L3MBTL4: variants seen among roughly 807,000 people sequenced by gnomAD.
L3MBTL4 encodes lethal(3)malignant brain tumor-like protein 4.
L3MBTL4 carries 70 observed loss-of-function variants against 84.5 expected under a neutral mutation model. The observed-to-expected ratio is 0.83, with a 90% CI of 0.68 to 1.01. The LOEUF (loss-of-function observed/expected upper bound fraction) is 1.01, where lower values mean the gene tolerates loss of function less well. L3MBTL4 is among the 50% of genes least tolerant of loss of function. The pLI, the probability that L3MBTL4 is intolerant of heterozygous loss-of-function variation, is 0.00. For missense variants in L3MBTL4, 715 were observed against 754.8 expected (o/e 0.95, Z 0.62); for synonymous variants, 274 against 259.8 (o/e 1.05, Z -0.52).
chr18:6,383,313 A>AG (rs1218954756), intron 1 of L3MBTL4, among the ~76,000 whole-genome samples: 1 of 151,588 alleles, frequency 6.6e-6, no homozygotes, highest in African/African-American at 2.4e-5. Flanking sequence ...TTTCCAGGAG[A>AG]GTGAATGGTT....
At chr18:6,285,931 A>C (rs1599484904) in intron 4 of L3MBTL4, among the ~76,000 whole-genome samples, 2 of 151,418 alleles carry the variant, frequency 1.3e-5, no homozygotes, top group East Asian at 3.9e-4. Flanking sequence ...TCCCGGGTTC[A>C]AGCGATTCTT....
chr18:6,022,168 T>C (rs1021020288), intron 16 of L3MBTL4, among the ~76,000 whole-genome samples: 1 of 152,230 alleles, frequency 6.6e-6, no homozygotes, highest in Non-Finnish European at 1.5e-5. Context: ...TTCTTTTTTG[T>C]GGTTAATAGC....
chr18:6,244,291 C>T (rs959246754), intron 6 of L3MBTL4, among the ~76,000 whole-genome samples, 193 bp downstream of exon 6: 3 of 152,114 alleles, frequency 2.0e-5, no homozygotes, highest in Non-Finnish European at 4.4e-5. Flanking sequence ...TGATGAAGGA[C>T]TTTTTAGAAA....
intron 10 of L3MBTL4, among the ~76,000 whole-genome samples, chr18:6,235,609 T>C (rs2146047030): frequency 6.6e-6 from 1 of 152,310 alleles, no homozygotes; most frequent in East Asian, 1.9e-4. Flanking sequence ...ATTCCTTTCA[T>C]GTAATATATC....
intron 1 of L3MBTL4, among the ~76,000 whole-genome samples, chr18:6,350,464 G>T (rs2053127198): frequency 6.6e-6 from 1 of 150,876 alleles, no homozygotes; most frequent in Non-Finnish European, 1.5e-5. Context: ...CTCCAAAGAG[G>T]ATATTCTAAT....
chr18:6,285,510 T>G (rs1043468153), intron 4 of L3MBTL4, among the ~76,000 whole-genome samples: 1 of 151,302 alleles, frequency 6.6e-6, no homozygotes, highest in African/African-American at 2.5e-5. Context: ...GTATAGCAAT[T>G]TGTAAGTATA....
At chr18:5,963,335 GT>G (rs2052157681) in intron 17 of L3MBTL4, among the ~76,000 whole-genome samples, 1 of 152,224 alleles carries the variant, frequency 6.6e-6, no homozygotes, top group African/African-American at 2.4e-5. Flanking sequence ...TCCCTTCTCA[GT>G]ATCATTAGCC....
At chr18:6,040,395 T>G (rs2056347823) in intron 16 of L3MBTL4, among the ~76,000 whole-genome samples, 1 of 152,162 alleles carries the variant, frequency 6.6e-6, no homozygotes, top group East Asian at 1.9e-4. Context: ...CTGCTATATA[T>G]CCTGTTCCAA....
chr18:6,288,846 A>G (rs1363929015), intron 4 of L3MBTL4, among the ~76,000 whole-genome samples: 1 of 151,586 alleles, frequency 6.6e-6, no homozygotes. Context: ...TTTTCATATA[A>G]TTTAAAATAT....
intron 1 of L3MBTL4, among the ~76,000 whole-genome samples, chr18:6,390,572 C>G (rs1245679372): frequency 6.6e-6 from 1 of 151,880 alleles, no homozygotes; most frequent in African/African-American, 2.4e-5. Flanking sequence ...ATTGATATAC[C>G]ATTATTAGCT....
At chr18:6,047,735 A>C (rs998447740) in intron 16 of L3MBTL4, among the ~76,000 whole-genome samples, 1 of 152,226 alleles carries the variant, frequency 6.6e-6, no homozygotes, top group Non-Finnish European at 1.5e-5. Context: ...CAGACTAGTC[A>C]TCAAAGGAAA....
chr18:6,406,891 C>T (rs144990544), intron 1 of L3MBTL4, among the ~76,000 whole-genome samples: 1 of 152,332 alleles, frequency 6.6e-6, no homozygotes, highest in East Asian at 1.9e-4. Context: ...AGCTGGCCTA[C>T]AGCTACTCTG....
chr18:6,187,268 T>C (rs2044821017), intron 12 of L3MBTL4, among the ~76,000 whole-genome samples: 1 of 152,136 alleles, frequency 6.6e-6, no homozygotes, highest in African/African-American at 2.4e-5. Context: ...TATTTTTGAG[T>C]TTTGACTTTT....
At position 6,068,334 on chromosome 18, in the gene L3MBTL4, C is replaced by T. The variant is rs571862663; in HGVS notation, c.1444+12547G>A. ...GGTATTGGTGGTAGCTAAAGAGATG[C>T]ATAGATATATCTAATGGTGGGCAGA... On this transcript the variant is annotated intron_variant, in intron 16 of 18. Coordinates refer to ENST00000317931, the MANE Select transcript of L3MBTL4 (RefSeq NM_001330559.2). 7.3e-4 allele frequency among the ~76,000 whole-genome samples: 111 copies of T among 152,180 alleles called. 2 individuals carry two copies. The South Asian group carries it at 0.013, about 17-fold the overall frequency.
At chr18:6,281,548 G>A (rs1333562235) in intron 4 of L3MBTL4, among the ~76,000 whole-genome samples, 1 of 152,098 alleles carries the variant, frequency 6.6e-6, no homozygotes, top group Non-Finnish European at 1.5e-5. Context: ...CTTATTTCAT[G>A]GACCAATTAC....
At chr18:6,009,582 T>C (rs1413694813) in intron 16 of L3MBTL4, among the ~76,000 whole-genome samples, 1 of 152,210 alleles carries the variant, frequency 6.6e-6, no homozygotes, top group Non-Finnish European at 1.5e-5. Context: ...GAGTCCCTTA[T>C]ATAAAATGGT....
chr18:6,098,344 T>C (rs907478488), intron 14 of L3MBTL4, among the ~76,000 whole-genome samples: 2 of 152,130 alleles, frequency 1.3e-5, no homozygotes, highest in Admixed American at 1.3e-4. Flanking sequence ...CCCAGACCAG[T>C]CCTTCCAGCC....
rs1325172748 is a variant in L3MBTL4 at position 6,195,615 on chromosome 18, C to T, written c.981+17534G>A. Among the ~76,000 whole-genome samples, 4 of 152,206 alleles carry T rather than the reference C, an allele frequency of 2.6e-5. No homozygotes were observed. The East Asian group carries it at 7.7e-4, about 29-fold the overall frequency. On this transcript the variant is annotated intron_variant, in intron 12 of 18. Transcript: ENST00000317931. ...AGCACACTCAGAGAAAGCCTCACCA[C>T]AATTTTTGCAGTTGAAAAAGGCAGA...
intron 5 of L3MBTL4, among the ~76,000 whole-genome samples, chr18:6,247,531 C>T (rs1307073780): frequency 7.5e-6 from 1 of 133,044 alleles, no homozygotes; most frequent in African/African-American, 3.0e-5. Flanking sequence ...CAGGCTGGAG[C>T]GCAATGGTGC....
Sources: allele counts gnomAD v4.1 joint callset (sites outside exome capture counted in the v4.1 genomes callset), GRCh38; gene constraint gnomAD v4.1.1; transcripts MANE v1.5; gene names NCBI Gene and HGNC (gene_info 2026-07-23, HGNC 2026-07-21).